The following PIEZO2 variants were observed in gnomAD, a reference collection of about 807,000 sequenced individuals.
PIEZO2 encodes piezo type mechanosensitive ion channel component 2.
Under a neutral mutation model 337.3 loss-of-function variants are expected in PIEZO2, and 172 were observed. The ratio of observed to expected loss-of-function variants is 0.51; its 90% CI spans 0.45 to 0.58. The LOEUF (loss-of-function observed/expected upper bound fraction) is 0.58, where lower values mean the gene tolerates loss of function less well. Among genes scored for constraint, PIEZO2 ranks in the 20% least tolerant of loss-of-function variants. The pLI, the probability that PIEZO2 is intolerant of heterozygous loss-of-function variation, is 0.00. For synonymous variants in PIEZO2, 1,251 were observed against 1,228.5 expected (o/e 1.02, Z -0.38); for missense variants, 3,028 against 3,391.3 (o/e 0.89, Z 2.66).
At chr18:10,693,940 G>A (rs1242386435) in intron 47 of PIEZO2, among the ~76,000 whole-genome samples, 1 of 152,034 alleles carries the variant, frequency 6.6e-6, no homozygotes, top group Non-Finnish European at 1.5e-5. Flanking sequence ...ACACTCTCAT[G>A]AAAAAATTAT....
intron 3 of PIEZO2, among the ~76,000 whole-genome samples, chr18:10,918,895 G>T (rs573384980): frequency 6.6e-6 from 1 of 151,812 alleles, no homozygotes; most frequent in South Asian, 2.1e-4. Context: ...ATATAACATT[G>T]CAATGAGCAA....
intron 4 of PIEZO2, among the ~76,000 whole-genome samples, chr18:10,874,902 CAGT>C (rs553963705): frequency 2.6e-5 from 4 of 152,022 alleles, no homozygotes; most frequent in Non-Finnish European, 5.9e-5. Flanking sequence ...TTCAATAGCA[CAGT>C]AGGATGACTA....
Position 10,952,799 on chromosome 18 carries a change from G to T in PIEZO2, c.286+26736C>A, listed in dbSNP as rs73943080. On this transcript the variant is annotated intron_variant, in intron 3 of 55. Coordinates refer to ENST00000674853, the MANE Select transcript of PIEZO2 (RefSeq NM_001378183.1). This position sits in a 1 kb window ranked among gnomAD's most constrained non-coding sequence, Gnocchi z 4.1. ...AGTGTCTATATAATTGTACATTCCC[G>T]CCAGAAATGTATTTGAATTCCAAGT... 6.6e-6 allele frequency among the ~76,000 whole-genome samples: 1 copy of T among 151,906 alleles called. No homozygotes were observed. The highest frequency in any genetic ancestry group is 2.4e-5 in the African/African-American group (1 of 41,344).
chr18:10,949,316 CA>C (rs1181725673), intron 3 of PIEZO2, among the ~76,000 whole-genome samples: 3 of 152,144 alleles, frequency 2.0e-5, no homozygotes, highest in Admixed American at 6.5e-5. Flanking sequence ...ATACACCCTA[CA>C]AAAACAAGAA....
At chr18:11,007,723 T>C (rs1170857393) in intron 2 of PIEZO2, among the ~76,000 whole-genome samples, 2 of 152,168 alleles carry the variant, frequency 1.3e-5, no homozygotes, top group African/African-American at 4.8e-5. Context: ...CAGGTAAGAA[T>C]GCTGAACTGA....
chr18:10,722,630 T>C (rs1288287763), intron 36 of PIEZO2, among the ~76,000 whole-genome samples: 1 of 152,150 alleles, frequency 6.6e-6, no homozygotes, highest in Non-Finnish European at 1.5e-5. Flanking sequence ...AGACCACATA[T>C]ACCATAACTA....
chr18:10,712,944 T>C (rs1418760729), intron 39 of PIEZO2, among the ~76,000 whole-genome samples: 2 of 152,172 alleles, frequency 1.3e-5, no homozygotes, highest in African/African-American at 4.8e-5. Context: ...TATCTGTGTC[T>C]TTGGAACTCA....
intron 5 of PIEZO2, 58 bp from the exon 6 acceptor site, chr18:10,857,269 A>C: frequency 7.1e-7 from 1 of 1,407,502 alleles, no homozygotes; most frequent in South Asian, 1.2e-5. Flanking sequence ...TCCAGCCAGC[A>C]GATTATAGAG....
intron 39 of PIEZO2, among the ~76,000 whole-genome samples, chr18:10,712,963 C>G (rs942432628): frequency 6.6e-6 from 1 of 151,990 alleles, no homozygotes; most frequent in Non-Finnish European, 1.5e-5. Flanking sequence ...CATAAATAAG[C>G]AAAGATTATT....
intron 1 of PIEZO2, among the ~76,000 whole-genome samples, chr18:11,121,423 G>A (rs1013477846): frequency 2.6e-5 from 4 of 152,086 alleles, no homozygotes; most frequent in African/African-American, 9.7e-5. Flanking sequence ...AAAATTAGCT[G>A]GATGTGGTGG....
rs375888693 is a variant in PIEZO2, at chr18:10,759,843, A to T, written c.3517T>A (p.Cys1173Ser). Residue 1173 changes from cysteine (C) to serine (S), a missense_variant, in exon 25 of 56, where the codon TGC becomes AGC. Physicochemically the swap from Cys to Ser is moderately radical, Grantham distance 112 (BLOSUM62 -1). Transcript: ENST00000674853. The surrounding 1 kb of genome is among the most constrained non-coding windows in gnomAD (Gnocchi z 5.5). ...CTATATAAGACAGCGATCAGCCAGC[A>T]GGCGTGGATCATGGCATAGAAATCC... ...RMDFYAMIHA[C>S]WLIAVLYRRR... 135 of 1,537,360 alleles carry T rather than the reference A, an allele frequency of 8.8e-5. No homozygotes were observed. Among genetic ancestry groups the T allele is most frequent in the Non-Finnish European group, 1.1e-4 (123 of 1,146,962 alleles).
intron 42 of PIEZO2, among the ~76,000 whole-genome samples, chr18:10,702,473 T>C (rs2035384185): frequency 6.6e-6 from 1 of 152,250 alleles, no homozygotes; most frequent in Non-Finnish European, 1.5e-5. Context: ...GGCATTATAC[T>C]TATTTAATTA....
chr18:11,015,214 C>T (rs563223867), intron 2 of PIEZO2, among the ~76,000 whole-genome samples: 1 of 131,820 alleles, frequency 7.6e-6, no homozygotes, highest in East Asian at 2.4e-4. Context: ...CAATCCGGGG[C>T]CCCCCTCATT....
chr18:11,141,969 T>C (rs1394063374), intron 1 of PIEZO2, among the ~76,000 whole-genome samples: 3 of 152,166 alleles, frequency 2.0e-5, no homozygotes, highest in African/African-American at 7.2e-5. Context: ...TTTTATAAAA[T>C]ATATTTATAA....
intron 18 of PIEZO2, among the ~76,000 whole-genome samples, chr18:10,779,008 G>T (rs1465013830): frequency 6.6e-6 from 1 of 152,312 alleles, no homozygotes; most frequent in East Asian, 1.9e-4. Context: ...TTAGATTATT[G>T]CTCAGGATTT....
rs1045742347 is a variant in PIEZO2 at position 10,677,895 on chromosome 18, G to C, written c.7953-20C>G. 9.9e-6 allele frequency: 15 copies of C among 1,507,986 alleles called. No individual in the cohort carries two copies. The highest frequency in any genetic ancestry group is 2.8e-5 in the African/African-American group (2 of 70,778). The allele number at this position is 1,507,986 out of a possible 1,614,324, so 93.4% of individuals were successfully genotyped here. On this transcript the variant is annotated intron_variant, in intron 52 of 55. Transcript: ENST00000674853. This position sits in a 1 kb window ranked among gnomAD's most constrained non-coding sequence, Gnocchi z 4.1. ...AAGTTTCTGTGAAGAAAAAAAAAAA[G>C]CTTAATGTCAGTGATTATTCAGAAG...
intron 17 of PIEZO2, among the ~76,000 whole-genome samples, chr18:10,780,798 G>A (rs1198417990): frequency 6.6e-6 from 1 of 151,376 alleles, no homozygotes; most frequent in African/African-American, 2.4e-5. Context: ...AAGTGGCTGG[G>A]ATTACAGGTG....
At chr18:10,718,169 C>T (rs1409403773) in intron 37 of PIEZO2, 31 bp downstream of exon 37, 5 of 1,518,532 alleles carry the variant, frequency 3.3e-6, no homozygotes, top group Non-Finnish European at 4.4e-6. Context: ...TTCAAAGTTC[C>T]CACAGCTCAT....
rs2034043762 is a variant in PIEZO2, at chr18:10,677,113, T to C, written c.8081+634A>G. Among the ~76,000 whole-genome samples the C allele has an allele frequency of 6.6e-6, 1 of 152,194 alleles. No homozygotes were observed. The highest frequency in any genetic ancestry group is 2.4e-5 in the African/African-American group (1 of 41,444). ...CAGACTGAAGACAGACCTGGAAGAA[T>C]AATGTCTGTCTCAATGGAAGCCCCA... On this transcript the variant is annotated intron_variant, in intron 53 of 55. Coordinates refer to ENST00000674853, the MANE Select transcript of PIEZO2 (RefSeq NM_001378183.1). This position sits in a 1 kb window ranked among gnomAD's most constrained non-coding sequence, Gnocchi z 4.1.
Sources: gnomAD v4.1 joint callset for allele counts (sites outside exome capture counted in the v4.1 genomes callset) on GRCh38, gnomAD v4.1.1 for gene constraint, Gnocchi (gnomAD v3.1) non-coding constraint, MANE v1.5 for transcripts, NCBI Gene and HGNC (gene_info 2026-07-23, HGNC 2026-07-21) for gene names.